Variants in HEPHL1 observed in about 807,000 individuals in gnomAD.
HEPHL1 encodes hephaestin like 1.
A neutral mutation model predicts 122.0 loss-of-function variants in HEPHL1; 123 were observed. That is an observed-to-expected ratio of 1.01 (90% CI 0.87 to 1.17). The LOEUF is 1.17. Ranked by LOEUF, HEPHL1 falls within the 50% of genes most tolerant of loss-of-function variation. The pLI is 0.00. For missense variants in HEPHL1, 1,452 were observed against 1,430.5 expected (o/e 1.01, Z -0.24); for synonymous variants, 527 against 508.9 (o/e 1.04, Z -0.48).
At chr11:94,102,322 T>A (rs1302240589) in intron 14 of HEPHL1, among the ~76,000 whole-genome samples, 1 of 152,240 alleles carries the variant, frequency 6.6e-6, no homozygotes, top group African/African-American at 2.4e-5. Flanking sequence ...TAAAGGTTAG[T>A]GACATTAGGT....
chr11:94,039,757 C>T (rs1331676537), intron 1 of HEPHL1, among the ~76,000 whole-genome samples: 1 of 148,146 alleles, frequency 6.8e-6, no homozygotes, highest in Non-Finnish European at 1.5e-5. Flanking sequence ...TAAATGCCCA[C>T]AAGAGAAAGC....
chr11:94,070,256 G>T, intron 5 of HEPHL1, 118 bp from the exon 6 acceptor site: 1 of 932,982 alleles, frequency 1.1e-6, no homozygotes, highest in Non-Finnish European at 1.5e-6. Context: ...CTTTCTTTAT[G>T]GTCCAATTTT....
At chr11:94,027,508 C>T (rs1045218931) in intron 1 of HEPHL1, among the ~76,000 whole-genome samples, 51 of 152,180 alleles carry the variant, frequency 3.4e-4, no homozygotes, top group African/African-American at 1.1e-3. Context: ...CAAAGCTTTA[C>T]GCTTTACCAG....
chr11:94,101,314 C>G lies in HEPHL1; in HGVS notation c.2554C>G (p.Gln852Glu). The change falls in exon 14 of 20, where the codon CAA becomes GAA. Residue 852 changes from glutamine to glutamate, a missense_variant. Physicochemically the swap from Gln to Glu is conservative, Grantham distance 29 (BLOSUM62 2). Transcript: ENST00000315765. ...VEEMDSGKQF[Q>E]VPMTKPGEVK... ...GGAGATGGATAGTGGAAAGCAATTCCAAGTGCCCATGACAAAACCAGGTAA... is the reference window on the plus strand; with the variant it reads ...GGAGATGGATAGTGGAAAGCAATTCGAAGTGCCCATGACAAAACCAGGTAA... The G allele has an allele frequency of 6.2e-7, 1 of 1,613,232 alleles. No individual in the cohort carries two copies. The highest frequency in any genetic ancestry group is 1.1e-5 in the South Asian group (1 of 91,032).
rs181689272 is a variant in HEPHL1, at chr11:94,086,273, T to C, written c.2080+84T>C. 3.3e-4 allele frequency: 341 copies of C among 1,040,624 alleles called. 5 individuals carry two copies. The East Asian group carries it at 8.7e-3, about 26-fold the overall frequency. The allele number at this position is 1,040,624 out of a possible 1,614,324, so 64.5% of individuals were successfully genotyped here. A position where few individuals can be genotyped will look rare whatever the true frequency, so the allele number is the denominator to read the frequency against. On this transcript the variant is annotated intron_variant, in intron 11 of 19. Transcript: ENST00000315765. ...AGAGTTCTCCCACAGAAGAAATTGG[T>C]AGACTTTGTGCACTTCAAGTGGTGT... is the stretch of plus-strand genomic sequence containing the variant.
intron 16 of HEPHL1, among the ~76,000 whole-genome samples, chr11:94,105,788 G>C (rs572452765): frequency 6.6e-6 from 1 of 151,926 alleles, no homozygotes; most frequent in Non-Finnish European, 1.5e-5. Context: ...CTATTTCTCT[G>C]TTCTCGCTCT....
chr11:94,093,971 G>GATAGATAGATATATATATATATATAT (rs71036310), intron 13 of HEPHL1, among the ~76,000 whole-genome samples: 13 of 72,754 alleles, frequency 1.8e-4, no homozygotes, highest in East Asian at 4.7e-4. Context: ...TCCTCCAGCA[G>GATAGATAGATATATATATATATATAT]ATATATATAT....
chr11:94,093,931 C>G, intron 13 of HEPHL1, among the ~76,000 whole-genome samples: 1 of 138,044 alleles, frequency 7.2e-6, no homozygotes, highest in Non-Finnish European at 1.5e-5. Flanking sequence ...TTTCCAACCC[C>G]TATACTGAGC....
intron 10 of HEPHL1, among the ~76,000 whole-genome samples, chr11:94,084,379 T>TAAATAA (rs1565357892): frequency 3.6e-5 from 5 of 137,324 alleles, no homozygotes; most frequent in African/African-American, 1.1e-4. Flanking sequence ...TAAATAAATA[T>TAAATAA]ATAAATACAG....
At chr11:94,047,598 C>G (rs770320439) in intron 2 of HEPHL1, among the ~76,000 whole-genome samples, 3 of 152,096 alleles carry the variant, frequency 2.0e-5, no homozygotes, top group Non-Finnish European at 4.4e-5. Flanking sequence ...TTTCTTTATC[C>G]AGTTTATCAC....
At chr11:94,034,883 G>A (rs1470735878) in intron 1 of HEPHL1, among the ~76,000 whole-genome samples, 1 of 152,192 alleles carries the variant, frequency 6.6e-6, no homozygotes, top group Non-Finnish European at 1.5e-5. Context: ...GAAGGGGCTT[G>A]ATCCAGTGAG....
Position 94,101,201 on chromosome 11 carries a change from T to C in HEPHL1, c.2441T>C (p.Met814Thr), listed in dbSNP as rs376452729. ...GCCTGTGTTTTGCCTTTAGGCCCAA[T>C]GATTCATGCTGAGGTGGGCAACACC... ...REEHLELLGP[M>T]IHAEVGNTVL... Residue 814 changes from methionine to threonine, a missense_variant, in exon 14 of 20, where the codon ATG becomes ACG. Physicochemically the swap from Met to Thr is moderately conservative, Grantham distance 81 (BLOSUM62 -1). Transcript: ENST00000315765. 1.9e-6 allele frequency: 3 copies of C among 1,613,778 alleles called. No individual in the cohort carries two copies. The highest frequency in any genetic ancestry group is 1.7e-5 in the Admixed American group (1 of 59,962).
chr11:94,110,683 C>A (rs1374940955), intron 17 of HEPHL1, among the ~76,000 whole-genome samples: 2 of 152,188 alleles, frequency 1.3e-5, no homozygotes, highest in East Asian at 3.8e-4. Flanking sequence ...ATCATGGAAG[C>A]TGGCTACTAC....
At chr11:94,078,263 G>C (rs564815194) in intron 9 of HEPHL1, among the ~76,000 whole-genome samples, 1 of 151,924 alleles carries the variant, frequency 6.6e-6, no homozygotes, top group Admixed American at 6.6e-5. Flanking sequence ...GAAAATTCCA[G>C]TGCAACCTCA....
chr11:94,089,140 GGCA>G (rs1946244054), intron 12 of HEPHL1, among the ~76,000 whole-genome samples, 172 bp downstream of exon 12: 1 of 152,246 alleles, frequency 6.6e-6, no homozygotes, highest in Non-Finnish European at 1.5e-5. Flanking sequence ...GCCTCCGGAA[GGCA>G]GCGTGCGGTG....
intron 2 of HEPHL1, among the ~76,000 whole-genome samples, chr11:94,050,117 T>C (rs1945876929): frequency 6.6e-6 from 1 of 152,176 alleles, no homozygotes; most frequent in Admixed American, 6.5e-5. Flanking sequence ...ATGAATGGAA[T>C]AGTTTTCTTA....
intron 13 of HEPHL1, among the ~76,000 whole-genome samples, chr11:94,097,593 A>G (rs1243032126): frequency 6.6e-6 from 1 of 152,138 alleles, no homozygotes; most frequent in African/African-American, 2.4e-5. Flanking sequence ...TGTCTCATTG[A>G]TCTGTCTAAT....
chr11:94,028,157 T>C (rs188513570), intron 1 of HEPHL1, among the ~76,000 whole-genome samples: 3 of 152,240 alleles, frequency 2.0e-5, no homozygotes, highest in East Asian at 1.9e-4. Context: ...GACAGTAGAG[T>C]TGGCAGTTAA....
At chr11:94,079,604 G>T (rs1277761211) in intron 9 of HEPHL1, among the ~76,000 whole-genome samples, 1 of 152,152 alleles carries the variant, frequency 6.6e-6, no homozygotes, top group Non-Finnish European at 1.5e-5. Context: ...AGAAAAGAGT[G>T]GCAGACTATC....
Sources: gnomAD v4.1 joint callset for allele counts (sites outside exome capture counted in the v4.1 genomes callset) on GRCh38, gnomAD v4.1.1 for gene constraint, MANE v1.5 for transcripts, NCBI Gene and HGNC (gene_info 2026-07-23, HGNC 2026-07-21) for gene names.